RHOU: variants seen among roughly 807,000 people sequenced by gnomAD.
RHOU encodes ras homolog family member U.
In RHOU, 8 loss-of-function variants were observed where a neutral mutation model predicts 12.6. That is an observed-to-expected ratio of 0.64 (90% CI 0.37 to 1.15). The LOEUF (loss-of-function observed/expected upper bound fraction) is 1.15. Ranked by LOEUF, RHOU falls within the 50% of genes most tolerant of loss-of-function variation. The pLI is 0.01. For synonymous variants in RHOU, 161 were observed against 147.4 expected (o/e 1.09, Z -0.67); for missense variants, 258 against 347.0 (o/e 0.74, Z 2.04).
the RHOU span, among the ~76,000 whole-genome samples, chr1:228,698,266 T>C: frequency 6.6e-6 from 1 of 152,210 alleles, no homozygotes; most frequent in Admixed American, 6.5e-5. Context: ...GAGTTTGAAG[T>C]ATGTTCCTTA....
chr1:228,694,026 T>C, the RHOU span, among the ~76,000 whole-genome samples: 10 of 152,354 alleles, frequency 6.6e-5, no homozygotes, highest in South Asian at 1.9e-3. Context: ...CAGAACCAGA[T>C]CTCAAAATTT....
chr1:228,662,736 C>G, the RHOU span, among the ~76,000 whole-genome samples: 1 of 151,936 alleles, frequency 6.6e-6, no homozygotes, highest in Non-Finnish European at 1.5e-5. Flanking sequence ...ATGTAAATGA[C>G]GAGCTAATGG....
At chr1:228,675,021 G>T in the RHOU span, among the ~76,000 whole-genome samples, 1 of 151,914 alleles carries the variant, frequency 6.6e-6, no homozygotes, top group East Asian at 1.9e-4. Context: ...GAGCCACCGT[G>T]CCTGGCCTCC....
At chr1:228,686,529 G>T in the RHOU span, among the ~76,000 whole-genome samples, 1 of 152,100 alleles carries the variant, frequency 6.6e-6, no homozygotes, top group African/African-American at 2.4e-5. Flanking sequence ...CAGAAATCTA[G>T]AGGAATACTC....
the RHOU span, among the ~76,000 whole-genome samples, chr1:228,669,294 T>C: frequency 6.6e-6 from 1 of 152,218 alleles, no homozygotes. Flanking sequence ...TTGGACAAGC[T>C]GCTTCCTCCC....
chr1:228,725,898 A>T, the RHOU span, among the ~76,000 whole-genome samples: 2 of 152,252 alleles, frequency 1.3e-5, no homozygotes, highest in Non-Finnish European at 2.9e-5. Context: ...ATTTCAAATC[A>T]GCAGGCACAT....
At chr1:228,666,695 C>T in the RHOU span, among the ~76,000 whole-genome samples, 1 of 152,162 alleles carries the variant, frequency 6.6e-6, no homozygotes, top group African/African-American at 2.4e-5. Context: ...ACTTGAAAGT[C>T]CCCATTCCAC....
At position 228,735,491 on chromosome 1, in the gene RHOU, A is replaced by C. The variant is rs963201497; in HGVS notation, c.-252A>C. 7.8e-6 allele frequency: 2 copies of C among 256,876 alleles called. No individual in the cohort carries two copies. The allele number at this position is 256,876 out of a possible 1,614,324, so 15.9% of individuals were successfully genotyped here. On this transcript the variant is annotated 5_prime_UTR_variant, in exon 1 of 3. Coordinates refer to ENST00000366691, the MANE Select transcript of RHOU (RefSeq NM_021205.6). The surrounding 1 kb of genome is among the most constrained non-coding windows in gnomAD (Gnocchi z 8.1). ...GCCGGGCGGAGACAGAGCGCTTGGGATCCACGGCGCTCGGACCGCTGTCCT... is the reference window on the plus strand; with the variant it reads ...GCCGGGCGGAGACAGAGCGCTTGGGCTCCACGGCGCTCGGACCGCTGTCCT...
chr1:228,721,556 C>T, the RHOU span, among the ~76,000 whole-genome samples: 1 of 152,226 alleles, frequency 6.6e-6, no homozygotes, highest in Non-Finnish European at 1.5e-5. Flanking sequence ...AGTCTGTTTA[C>T]CGACACAACC....
chr1:228,728,935 G>A, the RHOU span, among the ~76,000 whole-genome samples: 11 of 147,954 alleles, frequency 7.4e-5, no homozygotes, highest in South Asian at 4.2e-4. Context: ...TCGCTCTGTC[G>A]CCCAGGCTGG....
rs746919214 is a variant in RHOU, at chr1:228,743,482, T to A, written c.519T>A (p.Ile173=). 6.2e-7 allele frequency: 1 copy of A among 1,614,094 alleles called. No individual in the cohort carries two copies. The highest frequency in any genetic ancestry group is 8.5e-7 in the Non-Finnish European group (1 of 1,180,024). Residue 173 remains isoleucine, a synonymous_variant, in exon 3 of 3, where the codon ATT becomes ATA. Coordinates refer to ENST00000366691, the MANE Select transcript of RHOU (RefSeq NM_021205.6). This position sits in a 1 kb window ranked among gnomAD's most constrained non-coding sequence, Gnocchi z 5.1. The stretch of plus-strand genomic sequence containing the variant: ...TCAGAGAAGATGTCAAAGTCCTCAT[T>A]GAGTTGGACAAATGCAAAGAAAAGC... ...SDLREDVKVL[I]ELDKCKEKPV...
the RHOU span, among the ~76,000 whole-genome samples, chr1:228,708,630 G>A: frequency 6.6e-6 from 1 of 151,504 alleles, no homozygotes; most frequent in Non-Finnish European, 1.5e-5. Flanking sequence ...TCACCACCAG[G>A]CCTGCCCTAA....
the RHOU span, among the ~76,000 whole-genome samples, chr1:228,649,411 G>T: frequency 1.3e-5 from 2 of 152,152 alleles, no homozygotes; most frequent in Non-Finnish European, 2.9e-5. Context: ...AAGAAACAAA[G>T]ATTTTACATT....
At chr1:228,658,952 C>T in the RHOU span, among the ~76,000 whole-genome samples, 1 of 152,118 alleles carries the variant, frequency 6.6e-6, no homozygotes, top group African/African-American at 2.4e-5. Flanking sequence ...CAGTTCAGAT[C>T]CATGTTGTTC....
the RHOU span, among the ~76,000 whole-genome samples, chr1:228,704,371 GT>G: frequency 6.6e-6 from 1 of 152,162 alleles, no homozygotes; most frequent in Non-Finnish European, 1.5e-5. Context: ...ATTGAGACCT[GT>G]CTCAGATATT....
At chr1:228,727,499 C>T in the RHOU span, among the ~76,000 whole-genome samples, 170 of 152,108 alleles carry the variant, frequency 1.1e-3, 1 homozygote, top group South Asian at 6.4e-3. Flanking sequence ...TTTGTAGAGA[C>T]GAGGTTTTAC....
the RHOU span, among the ~76,000 whole-genome samples, chr1:228,693,871 A>G: frequency 7.2e-5 from 11 of 152,350 alleles, no homozygotes; most frequent in East Asian, 1.7e-3. Flanking sequence ...TTTTTACCCA[A>G]TAACAGGTGA....
chr1:228,686,620 C>T, the RHOU span, among the ~76,000 whole-genome samples: 1 of 152,174 alleles, frequency 6.6e-6, no homozygotes, highest in African/African-American at 2.4e-5. Context: ...CGGTGCAAAA[C>T]TCATTGCGGT....
At chr1:228,647,554 C>T in the RHOU span, among the ~76,000 whole-genome samples, 4 of 152,192 alleles carry the variant, frequency 2.6e-5, no homozygotes, top group Non-Finnish European at 5.9e-5. Context: ...GTCTGTGGTA[C>T]CCGCTGCCCC....
Sources: allele counts gnomAD v4.1 joint callset (sites outside exome capture counted in the v4.1 genomes callset), GRCh38; gene constraint gnomAD v4.1.1; non-coding constraint Gnocchi (gnomAD v3.1); transcripts MANE v1.5; gene names NCBI Gene and HGNC (gene_info 2026-07-23, HGNC 2026-07-21).